Variants in KCNK3 observed in about 807,000 individuals in gnomAD.
The protein encoded by KCNK3 is potassium two pore domain channel subfamily K member 3, also known as potassium channel subfamily K member 3.
KCNK3 carries 9 observed loss-of-function variants against 27.3 expected under a neutral mutation model. The observed-to-expected ratio is 0.33, with a 90% CI of 0.20 to 0.57. The LOEUF (loss-of-function observed/expected upper bound fraction) is 0.57, where lower values mean the gene tolerates loss of function less well. KCNK3 is among the 20% of genes least tolerant of loss of function. The pLI, the probability that KCNK3 is intolerant of heterozygous loss-of-function variation, is 0.87. For missense variants in KCNK3, 391 were observed against 577.7 expected, an observed-to-expected ratio of 0.68 and a Z score of 3.31; for synonymous variants, 278 against 273.8, an observed-to-expected ratio of 1.02 and a Z score of -0.15.
chr2:26,717,900 C>G (rs1041075718), intron 1 of KCNK3, among the ~76,000 whole-genome samples: 1 of 152,214 alleles, frequency 6.6e-6, no homozygotes, highest in Admixed American at 6.5e-5. Context: ...ATTGATGAAG[C>G]AGCAGCTCTG....
At chr2:26,695,677 A>G (rs1480511237) in intron 1 of KCNK3, among the ~76,000 whole-genome samples, 1 of 152,148 alleles carries the variant, frequency 6.6e-6, no homozygotes. Flanking sequence ...ACAGAATGCT[A>G]TTGATGGGTT....
At chr2:26,718,461 A>G (rs189765340) in intron 1 of KCNK3, among the ~76,000 whole-genome samples, 2 of 152,348 alleles carry the variant, frequency 1.3e-5, no homozygotes, top group African/African-American at 4.8e-5. Context: ...TTTTCTACTT[A>G]CAAAAGTAAT....
chr2:26,725,599 G>C (rs757533159), intron 1 of KCNK3, among the ~76,000 whole-genome samples: 5 of 152,156 alleles, frequency 3.3e-5, no homozygotes, highest in Non-Finnish European at 5.9e-5. Context: ...GTGAGTTGTG[G>C]TCTGGCTGCC....
Position 26,721,735 on chromosome 2 carries a change from C to G in KCNK3, c.284-5932C>G, listed in dbSNP as rs879606784. 2.6e-5 allele frequency among the ~76,000 whole-genome samples: 4 copies of G among 152,352 alleles called. No homozygotes were observed. Among genetic ancestry groups the G allele is most frequent in the Admixed American group, 6.5e-5 (1 of 15,312 alleles). Reference sequence around the variant, plus strand: ...TCCTCTCTGGCTGCCACACCAGGCCCAAGCCACACTGAGGTCACTTCGGCA... The same window carrying G: ...TCCTCTCTGGCTGCCACACCAGGCCGAAGCCACACTGAGGTCACTTCGGCA... On this transcript the variant is annotated intron_variant, in intron 1 of 1. Coordinates refer to ENST00000302909, the MANE Select transcript of KCNK3 (RefSeq NM_002246.3). This position sits in a 1 kb window ranked among gnomAD's most constrained non-coding sequence, Gnocchi z 4.3.
chr2:26,702,420 G>A (rs1390332956), intron 1 of KCNK3, among the ~76,000 whole-genome samples: 8 of 152,156 alleles, frequency 5.3e-5, no homozygotes, highest in Non-Finnish European at 1.2e-4. Context: ...TTGGTAGAGC[G>A]GGCATGGACA....
intron 1 of KCNK3, among the ~76,000 whole-genome samples, chr2:26,710,857 G>A (rs545483949): frequency 5.9e-5 from 9 of 152,170 alleles, no homozygotes; most frequent in Non-Finnish European, 1.3e-4. Flanking sequence ...GCCTGACAGG[G>A]GGCTGCAGTA....
intron 1 of KCNK3, among the ~76,000 whole-genome samples, chr2:26,698,929 C>T (rs374029078): frequency 4.2e-4 from 64 of 152,222 alleles, no homozygotes; most frequent in Middle Eastern, 6.8e-3. Flanking sequence ...GTAATCACAG[C>T]ACTTTGGGAA....
At position 26,731,873 on chromosome 2, in the gene KCNK3, C is replaced by G. The variant is rs950602526; in HGVS notation, c.*3305C>G. 1 of 152,196 alleles carries G rather than the reference C, an allele frequency of 6.6e-6. No homozygotes were observed. The highest frequency in any genetic ancestry group is 2.4e-5 in the African/African-American group (1 of 41,428). The allele number at this position is 152,196 out of a possible 1,614,324, so 9.4% of individuals were successfully genotyped here. ...CTGGGGATTGCTATTCCAGTGCTCC[C>G]CATCCTCACACAGACTGCACAGTCC... On this transcript the variant is annotated 3_prime_UTR_variant, in exon 2 of 2. Coordinates refer to ENST00000302909, the MANE Select transcript of KCNK3 (RefSeq NM_002246.3).
Position 26,728,127 on chromosome 2 carries a change from C to T in KCNK3, c.744C>T (p.Thr248=), listed in dbSNP as rs1429533481. 1.2e-6 allele frequency: 2 copies of T among 1,605,372 alleles called. No homozygotes were observed. The highest frequency in any genetic ancestry group is 1.7e-5 in the Admixed American group (1 of 58,674). The change falls in exon 2 of 2, where the codon ACC becomes ACT. Residue 248 remains threonine (T), a synonymous_variant. Transcript: ENST00000302909. ...ACCTCGTGGTGCTGCGCTTCATGAC[C>T]ATGAACGCCGAGGACGAGAAGCGCG... The part of the protein sequence containing the change: ...FLNLVVLRFM[T]MNAEDEKRDA...
rs549078438 is a variant in KCNK3, at chr2:26,721,033, C to T, written c.284-6634C>T. 6.6e-6 allele frequency among the ~76,000 whole-genome samples: 1 copy of T among 152,152 alleles called. No homozygotes were observed. Among genetic ancestry groups the T allele is most frequent in the Non-Finnish European group, 1.5e-5 (1 of 68,016 alleles). The stretch of plus-strand genomic sequence containing the variant: ...CAGTGAAGGCAGGAGCTATGAGTCA[C>T]CCGAGGCCCTCCTGCCAAGGGCCAC... On this transcript the variant is annotated intron_variant, in intron 1 of 1. Transcript: ENST00000302909. The surrounding 1 kb of genome is among the most constrained non-coding windows in gnomAD (Gnocchi z 4.3).
At chr2:26,702,217 C>T (rs1670316592) in intron 1 of KCNK3, among the ~76,000 whole-genome samples, 2 of 152,182 alleles carry the variant, frequency 1.3e-5, no homozygotes, top group African/African-American at 2.4e-5. Context: ...CACATCCTCA[C>T]ATGACAGAGA....
At chr2:26,727,560 A>G in intron 1 of KCNK3, 107 bp from the exon 2 acceptor site, 1 of 1,434,902 alleles carries the variant, frequency 7.0e-7, no homozygotes, top group Non-Finnish European at 9.4e-7. Context: ...GTGGACCCAG[A>G]CCCACAAGGT....
In KCNK3 at chr2:26,713,785, A is replaced by G. The variant is rs566646168; in HGVS notation, c.284-13882A>G. On this transcript the variant is annotated intron_variant, in intron 1 of 1. Coordinates refer to ENST00000302909, the MANE Select transcript of KCNK3 (RefSeq NM_002246.3). The stretch of plus-strand genomic sequence containing the variant: ...AAAGCGAGAATCCATCTCAAAAAAA[A>G]AAAAAAAGGGCTGGGTGCTGTGGCT... Among the ~76,000 whole-genome samples, 5 of 150,854 alleles carry G rather than the reference A, an allele frequency of 3.3e-5. No homozygotes were observed. In the South Asian group the frequency reaches 1.1e-3, roughly 32 times the overall value.
chr2:26,692,871 G>A lies in KCNK3; in HGVS notation c.-5G>A, dbSNP rs1369569956. On this transcript the variant is annotated 5_prime_UTR_variant, in exon 1 of 2. Transcript: ENST00000302909. The surrounding 1 kb of genome is among the most constrained non-coding windows in gnomAD (Gnocchi z 5.6). ...CGGGGGGCCGGCGGCGGCCCGGGCG[G>A]GACGATGAAGCGGCAGAACGTGCGC... is the stretch of plus-strand genomic sequence containing the variant. 3 of 1,313,730 alleles carry A rather than the reference G, an allele frequency of 2.3e-6. No homozygotes were observed. The highest frequency in any genetic ancestry group is 2.2e-5 in the South Asian group (1 of 46,022). 81.4% of individuals were successfully genotyped at this position (1,313,730 alleles called of 1,614,324 possible). A position where few individuals can be genotyped will look rare whatever the true frequency, so the allele number is the denominator to read the frequency against.
At chr2:26,708,429 T>A (rs1012941271) in intron 1 of KCNK3, among the ~76,000 whole-genome samples, 3 of 152,150 alleles carry the variant, frequency 2.0e-5, no homozygotes, top group Non-Finnish European at 4.4e-5. Flanking sequence ...ATCCCAGCAC[T>A]TTGAAAGGCT....
At chr2:26,699,230 A>AAAGG (rs1670275596) in intron 1 of KCNK3, among the ~76,000 whole-genome samples, 1 of 150,258 alleles carries the variant, frequency 6.7e-6, no homozygotes, top group Non-Finnish European at 1.5e-5. Context: ...AGAAAGAAAG[A>AAAGG]AAGAAAGAAA....
At chr2:26,717,837 C>T (rs182766230) in intron 1 of KCNK3, among the ~76,000 whole-genome samples, 2 of 152,314 alleles carry the variant, frequency 1.3e-5, no homozygotes, top group Non-Finnish European at 2.9e-5. Context: ...TCTGTTCAAA[C>T]CTCAGGCTCA....
intron 1 of KCNK3, among the ~76,000 whole-genome samples, chr2:26,727,033 C>A (rs1663432995): frequency 6.6e-6 from 1 of 152,186 alleles, no homozygotes. Flanking sequence ...AGTGGGCCAG[C>A]TGCCCCAGGG....
Position 26,727,696 on chromosome 2 carries a change from G to A in KCNK3, c.313G>A (p.Gly105Ser). ...GYGHAAPSTD[G>S]GKVFCMFYAL... ...CGGGCACGCGGCACCCAGCACGGAT[G>A]GCGGCAAGGTGTTCTGCATGTTCTA... The change falls in exon 2 of 2, where the codon GGC becomes AGC. Residue 105 changes from glycine to serine, a missense_variant. By Grantham distance (56) the Gly-to-Ser change is moderately conservative. Coordinates refer to ENST00000302909, the MANE Select transcript of KCNK3 (RefSeq NM_002246.3). The A allele has an allele frequency of 6.5e-7, 1 of 1,529,596 alleles. No homozygotes were observed. The highest frequency in any genetic ancestry group is 8.8e-7 in the Non-Finnish European group (1 of 1,136,820). The allele number at this position is 1,529,596 out of a possible 1,614,324, so 94.8% of individuals were successfully genotyped here. A position where few individuals can be genotyped will look rare whatever the true frequency, so the allele number is the denominator to read the frequency against.
Sources: allele counts gnomAD v4.1 joint callset (sites outside exome capture counted in the v4.1 genomes callset), GRCh38; gene constraint gnomAD v4.1.1; non-coding constraint Gnocchi (gnomAD v3.1); transcripts MANE v1.5; gene names NCBI Gene and HGNC (gene_info 2026-07-23, HGNC 2026-07-21).